Variants in HIBADH observed in about 807,000 individuals in gnomAD.
HIBADH encodes 3-hydroxyisobutyrate dehydrogenase.
A neutral mutation model predicts 36.1 loss-of-function variants in HIBADH; 25 were observed. The ratio of observed to expected loss-of-function variants is 0.69; its 90% CI spans 0.50 to 0.97. The LOEUF (loss-of-function observed/expected upper bound fraction) is 0.97. HIBADH is among the 50% of genes least tolerant of loss of function. The pLI is 0.00. For synonymous variants in HIBADH, 160 were observed against 149.5 expected, an observed-to-expected ratio of 1.07 and a Z score of -0.51; for missense variants, 421 against 418.0, an observed-to-expected ratio of 1.01 and a Z score of -0.06.
chr7:27,576,823 G>T (rs1011671498), intron 4 of HIBADH, among the ~76,000 whole-genome samples: 8 of 152,036 alleles, frequency 5.3e-5, no homozygotes, highest in African/African-American at 1.9e-4. Context: ...GGTGTTTGGG[G>T]TATTTTATTA....
At chr7:27,632,761 T>C (rs750170326) in intron 2 of HIBADH, among the ~76,000 whole-genome samples, 8 of 152,092 alleles carry the variant, frequency 5.3e-5, no homozygotes, top group South Asian at 2.1e-4. Flanking sequence ...TTCTTCCAAG[T>C]TGGATTCCTA....
intron 4 of HIBADH, among the ~76,000 whole-genome samples, chr7:27,578,004 C>G (rs1784738673): frequency 6.6e-6 from 1 of 151,614 alleles, no homozygotes; most frequent in Non-Finnish European, 1.5e-5. Context: ...CTGCTGACCT[C>G]AAAAAAAACC....
At chr7:27,585,408 G>A (rs4140899) in intron 4 of HIBADH, among the ~76,000 whole-genome samples, 115,872 of 151,996 alleles carry the variant, frequency 0.76, 44,673 homozygotes, top group East Asian at 0.94. Context: ...ATCTATGCTA[G>A]GACTAGACTT....
intron 4 of HIBADH, among the ~76,000 whole-genome samples, chr7:27,561,422 T>G (rs73686437): frequency 0.02 from 3,015 of 152,254 alleles, 93 homozygotes; most frequent in African/African-American, 0.064. Flanking sequence ...TTTAAATGTA[T>G]AGGTTTTAAT....
chr7:27,596,929 TAA>T (rs1325281799), intron 4 of HIBADH, among the ~76,000 whole-genome samples: 2 of 152,288 alleles, frequency 1.3e-5, no homozygotes. Context: ...TATGAAATTT[TAA>T]AAAAGTAATT....
chr7:27,562,905 CCTTT>C (rs1473449177), intron 4 of HIBADH, among the ~76,000 whole-genome samples: 3 of 152,092 alleles, frequency 2.0e-5, no homozygotes, highest in African/African-American at 7.2e-5. Context: ...AATCATCATT[CCTTT>C]TTTTATTTTG....
At position 27,587,731 on chromosome 7, in the gene HIBADH, G is replaced by A. The variant is rs188853179; in HGVS notation, c.484+41640C>T. Among the ~76,000 whole-genome samples, 32 of 152,268 alleles carry A rather than the reference G, an allele frequency of 2.1e-4. No homozygotes were observed. In the East Asian group the frequency reaches 4.6e-3, roughly 22 times the overall value. On this transcript the variant is annotated intron_variant, in intron 4 of 7. Coordinates refer to ENST00000265395, the MANE Select transcript of HIBADH (RefSeq NM_152740.4). ...ATTTTAACCCATCAGTGATTTGAAG[G>A]TTGAGATGAGTATTTGAAGCCATTT...
At chr7:27,545,876 T>G (rs1784229753) in intron 4 of HIBADH, among the ~76,000 whole-genome samples, 1 of 152,140 alleles carries the variant, frequency 6.6e-6, no homozygotes. Flanking sequence ...CCCCATTATC[T>G]ATTATAGTGC....
At chr7:27,539,871 A>C (rs1442298826) in intron 5 of HIBADH, among the ~76,000 whole-genome samples, 1 of 152,204 alleles carries the variant, frequency 6.6e-6, no homozygotes, top group African/African-American at 2.4e-5. Flanking sequence ...AAATGTTACT[A>C]AGGGAATCAT....
chr7:27,541,307 T>C (rs1784148330), intron 5 of HIBADH, among the ~76,000 whole-genome samples: 1 of 152,148 alleles, frequency 6.6e-6, no homozygotes, highest in South Asian at 2.1e-4. Context: ...AGCAAACCTC[T>C]TCCTAAAATT....
intron 7 of HIBADH, 85 bp downstream of exon 7, chr7:27,531,107 T>C (rs1319109444): frequency 2.2e-6 from 3 of 1,359,896 alleles, no homozygotes; most frequent in African/African-American, 2.9e-5. Context: ...CTGAGACATA[T>C]GCTTTATTAA....
In HIBADH at chr7:27,629,471, T is replaced by A. The variant is rs1286357819; in HGVS notation, c.384A>T (p.Leu128Phe). Residue 128 changes from leucine to phenylalanine, a missense_variant, in exon 4 of 8, where the codon TTA becomes TTT. Physicochemically the swap from Leu to Phe is conservative, Grantham distance 22. Coordinates refer to ENST00000265395, the MANE Select transcript of HIBADH (RefSeq NM_152740.4). ...GILKKVKKGS[L>F]LIDSSTIDPA... ...GATCAATAGTGCTGGAATCTATTAA[T>A]AATGAGCCCTTCTTCACTTTTCTAA... 1 of 1,596,544 alleles carries A rather than the reference T, an allele frequency of 6.3e-7. No individual in the cohort carries two copies.
chr7:27,586,915 G>A (rs1015817824), intron 4 of HIBADH, among the ~76,000 whole-genome samples: 6 of 152,306 alleles, frequency 3.9e-5, no homozygotes, highest in Middle Eastern at 6.8e-3. Context: ...ACCAGCTGGC[G>A]TGCCACAGCC....
At chr7:27,620,510 C>CA (rs956961177) in intron 4 of HIBADH, among the ~76,000 whole-genome samples, 154 of 144,954 alleles carry the variant, frequency 1.1e-3, no homozygotes, top group South Asian at 4.8e-3. Flanking sequence ...CAAAACAAAA[C>CA]AAAAAAAAAA....
At chr7:27,588,503 A>G (rs566337526) in intron 4 of HIBADH, among the ~76,000 whole-genome samples, 1 of 150,952 alleles carries the variant, frequency 6.6e-6, no homozygotes, top group African/African-American at 2.4e-5. Context: ...AAGATTTTAA[A>G]AATTGCTTGT....
At chr7:27,628,623 A>C (rs1785689258) in intron 4 of HIBADH, among the ~76,000 whole-genome samples, 1 of 152,066 alleles carries the variant, frequency 6.6e-6, no homozygotes, top group Non-Finnish European at 1.5e-5. Context: ...TGAGACAATC[A>C]TATGACTTTT....
intron 4 of HIBADH, among the ~76,000 whole-genome samples, chr7:27,555,358 T>C (rs974215581): frequency 6.6e-6 from 1 of 150,526 alleles, no homozygotes; most frequent in African/African-American, 2.4e-5. Context: ...AAACCTATTA[T>C]GGATAATGGC....
rs373778283 is a variant in HIBADH, at chr7:27,555,229, A to C, written c.485-12129T>G. Among the ~76,000 whole-genome samples, 6 of 152,046 alleles carry C rather than the reference A, an allele frequency of 3.9e-5. No individual in the cohort carries two copies. The South Asian group carries it at 1.2e-3, about 32-fold the overall frequency. On this transcript the variant is annotated intron_variant, in intron 4 of 7. Transcript: ENST00000265395. Reference sequence around the variant, plus strand: ...AAGGCAACCACTGCTTAATGGTGGTAATTTAAGTGGGGAGAACTGTTCTTC... The same window carrying C: ...AAGGCAACCACTGCTTAATGGTGGTCATTTAAGTGGGGAGAACTGTTCTTC...
chr7:27,610,566 A>G (rs1785305339), intron 4 of HIBADH, among the ~76,000 whole-genome samples: 3 of 152,264 alleles, frequency 2.0e-5, no homozygotes, highest in Admixed American at 2.0e-4. Context: ...ATAAGAATAA[A>G]TATCACATAC....
Sources: allele counts gnomAD v4.1 joint callset (sites outside exome capture counted in the v4.1 genomes callset), GRCh38; gene constraint gnomAD v4.1.1; transcripts MANE v1.5; gene names NCBI Gene and HGNC (gene_info 2026-07-23, HGNC 2026-07-21).